HS3ST5: variants seen among roughly 807,000 people sequenced by gnomAD.
HS3ST5 encodes heparan sulfate-glucosamine 3-sulfotransferase 5, also known as heparan sulfate glucosamine 3-O-sulfotransferase 5.
HS3ST5 carries 10 observed loss-of-function variants against 25.4 expected under a neutral mutation model. The ratio of observed to expected loss-of-function variants is 0.39; its 90% CI spans 0.24 to 0.67. The LOEUF is 0.67. Among genes scored for constraint, HS3ST5 ranks in the 30% least tolerant of loss-of-function variants. The pLI is 0.44. For missense variants in HS3ST5, 324 were observed against 420.7 expected (o/e 0.77, Z 2.01); for synonymous variants, 170 against 162.4 (o/e 1.05, Z -0.36).
rs540819451 is a variant in HS3ST5 at position 114,242,627 on chromosome 6, G to T, written c.-338-13849C>A. 7.5e-4 allele frequency among the ~76,000 whole-genome samples: 114 copies of T among 151,812 alleles called. No homozygotes were observed. In the Middle Eastern group the frequency reaches 0.017, roughly 23 times the overall value. The stretch of plus-strand genomic sequence containing the variant: ...AGGTGGGATGTCTAGGCCGAGGCGG[G>T]TGGATCATGAGGTCAGGAGATCGAG... On this transcript the variant is annotated intron_variant, in intron 1 of 4. Coordinates refer to ENST00000312719, the MANE Select transcript of HS3ST5 (RefSeq NM_153612.4).
At chr6:114,329,366 A>T (rs1776298762) in intron 1 of HS3ST5, among the ~76,000 whole-genome samples, 1 of 152,186 alleles carries the variant, frequency 6.6e-6, no homozygotes. Context: ...TCTGGTATGA[A>T]CCTAAAACTC....
intron 3 of HS3ST5, among the ~76,000 whole-genome samples, chr6:114,069,098 T>G (rs1163530065): frequency 6.6e-6 from 1 of 152,204 alleles, no homozygotes; most frequent in Non-Finnish European, 1.5e-5. Context: ...CTTGTAGACA[T>G]GGTTACCACA....
At chr6:114,268,169 T>C (rs1773488602) in intron 1 of HS3ST5, among the ~76,000 whole-genome samples, 2 of 152,206 alleles carry the variant, frequency 1.3e-5, no homozygotes, top group Admixed American at 6.5e-5. Context: ...CCCCAAGTTC[T>C]TGGATGGCTT....
intron 1 of HS3ST5, among the ~76,000 whole-genome samples, chr6:114,253,260 C>T (rs573959132): frequency 9.2e-4 from 140 of 152,218 alleles, no homozygotes; most frequent in Non-Finnish European, 1.7e-3. Context: ...CACATTATTT[C>T]AACATGTAAT....
chr6:114,316,303 A>ACT (rs1775744857), intron 1 of HS3ST5, among the ~76,000 whole-genome samples: 1 of 152,026 alleles, frequency 6.6e-6, no homozygotes, highest in African/African-American at 2.4e-5. Context: ...TTTGGAAGTT[A>ACT]CTCTTCCAAC....
At chr6:114,218,935 G>A (rs1781897858) in intron 2 of HS3ST5, among the ~76,000 whole-genome samples, 1 of 152,014 alleles carries the variant, frequency 6.6e-6, no homozygotes, top group Non-Finnish European at 1.5e-5. Flanking sequence ...ATTAACTCTT[G>A]TGTAATGTGA....
intron 1 of HS3ST5, among the ~76,000 whole-genome samples, chr6:114,329,673 G>A (rs905867676): frequency 2.6e-5 from 4 of 152,104 alleles, no homozygotes; most frequent in Non-Finnish European, 5.9e-5. Flanking sequence ...GAGGTTTGGC[G>A]CACAAGTAGC....
intron 3 of HS3ST5, among the ~76,000 whole-genome samples, chr6:114,145,749 G>A (rs895946582): frequency 1.3e-5 from 2 of 152,156 alleles, no homozygotes; most frequent in African/African-American, 4.8e-5. Context: ...CTCGTGTGGG[G>A]GTGCTGTGGG....
chr6:114,334,989 T>C (rs1467538533), intron 1 of HS3ST5, among the ~76,000 whole-genome samples: 1 of 152,174 alleles, frequency 6.6e-6, no homozygotes, highest in East Asian at 1.9e-4. Context: ...CTTTTGTTCA[T>C]TGCAAGGAAG....
chr6:114,137,445 C>T (rs1339660284), intron 3 of HS3ST5, among the ~76,000 whole-genome samples: 3 of 152,094 alleles, frequency 2.0e-5, no homozygotes, highest in Admixed American at 2.0e-4. Context: ...TGCTTGGGTG[C>T]CAAGAACTGG....
At chr6:114,083,942 T>C (rs1774615606) in intron 3 of HS3ST5, among the ~76,000 whole-genome samples, 1 of 152,220 alleles carries the variant, frequency 6.6e-6, no homozygotes, top group South Asian at 2.1e-4. Context: ...CAGTTCACTA[T>C]CTTCATTACA....
chr6:114,249,636 T>G (rs1167447203), intron 1 of HS3ST5, among the ~76,000 whole-genome samples: 1 of 152,170 alleles, frequency 6.6e-6, no homozygotes, highest in Non-Finnish European at 1.5e-5. Flanking sequence ...AGGGGTGTTG[T>G]GCATCCAGTG....
chr6:114,240,079 A>C (rs1199274528), intron 1 of HS3ST5, among the ~76,000 whole-genome samples: 1 of 151,888 alleles, frequency 6.6e-6, no homozygotes, highest in Non-Finnish European at 1.5e-5. Flanking sequence ...GTCTTTACTA[A>C]ATGACTTTAA....
chr6:114,236,433 G>GT (rs1406914276), intron 1 of HS3ST5, among the ~76,000 whole-genome samples: 1 of 152,106 alleles, frequency 6.6e-6, no homozygotes, highest in African/African-American at 2.4e-5. Context: ...ATACTTATAT[G>GT]TTTTTTCTCA....
rs1027732020 is a variant in HS3ST5, at chr6:114,147,706, G to A, written c.-33+20645C>T. On this transcript the variant is annotated intron_variant, in intron 3 of 4. Transcript: ENST00000312719. ...AGTGATCCTCCTGCCTCAGCCTCCC[G>A]AGTAGCTGGGACTACAAGCAGGCAC... Among the ~76,000 whole-genome samples, 12 of 152,102 alleles carry A rather than the reference G, an allele frequency of 7.9e-5. 1 individual carries two copies. In the South Asian group the frequency reaches 1.0e-3, roughly 13 times the overall value.
intron 1 of HS3ST5, among the ~76,000 whole-genome samples, chr6:114,267,986 T>C (rs1773480862): frequency 6.6e-6 from 1 of 152,202 alleles, no homozygotes; most frequent in South Asian, 2.1e-4. Context: ...TTTCCCTGTG[T>C]ACAGATATGC....
chr6:114,319,925 A>T lies in HS3ST5; in HGVS notation c.-339+22270T>A, dbSNP rs1432364218. 3.9e-5 allele frequency among the ~76,000 whole-genome samples: 6 copies of T among 151,984 alleles called. No homozygotes were observed. In the East Asian group the frequency reaches 1.2e-3, roughly 29 times the overall value. ...GGCGTAGAGCCTCATTGCCTCTCTC[A>T]TCCTTTTTCATAACAATGGACGGCA... On this transcript the variant is annotated intron_variant, in intron 1 of 4. Coordinates refer to ENST00000312719, the MANE Select transcript of HS3ST5 (RefSeq NM_153612.4).
intron 1 of HS3ST5, among the ~76,000 whole-genome samples, chr6:114,248,574 A>G (rs368576522): frequency 3.3e-5 from 5 of 152,206 alleles, no homozygotes; most frequent in South Asian, 2.1e-4. Context: ...CTGCTGCTAT[A>G]CAATTACTTC....
chr6:114,292,878 A>T (rs941253467), intron 1 of HS3ST5, among the ~76,000 whole-genome samples: 1 of 152,178 alleles, frequency 6.6e-6, no homozygotes, highest in Admixed American at 6.5e-5. Flanking sequence ...ATGCTATATA[A>T]ATCGCTTTAT....
Sources: gnomAD v4.1 joint callset for allele counts (sites outside exome capture counted in the v4.1 genomes callset) on GRCh38, gnomAD v4.1.1 for gene constraint, MANE v1.5 for transcripts, NCBI Gene and HGNC (gene_info 2026-07-23, HGNC 2026-07-21) for gene names.